The following WWOX variants were observed in gnomAD, a reference collection of about 807,000 sequenced individuals.
The protein encoded by WWOX is WW domain-containing oxidoreductase.
A neutral mutation model predicts 46.2 loss-of-function variants in WWOX; 69 were observed. The ratio of observed to expected loss-of-function variants is 1.49; its 90% CI spans 1.23 to 1.82. The LOEUF is 1.82. WWOX is among the 40% of genes most tolerant of loss of function. The probability of loss-of-function intolerance (pLI) is 0.00; values close to 1 mark genes in which losing one functional copy is unlikely to be tolerated. For missense variants in WWOX, 919 were observed against 542.6 expected (o/e 1.69, Z -6.89); for synonymous variants, 359 against 202.6 (o/e 1.77, Z -6.56).
intron 5 of WWOX, among the ~76,000 whole-genome samples, chr16:78,235,588 C>T (rs2037408806): frequency 6.6e-6 from 1 of 152,194 alleles, no homozygotes; most frequent in Admixed American, 6.5e-5. Context: ...GTTTCTAAGT[C>T]TCTGGTGTCT....
At chr16:78,203,393 T>A (rs893117600) in intron 5 of WWOX, among the ~76,000 whole-genome samples, 1 of 152,164 alleles carries the variant, frequency 6.6e-6, no homozygotes, top group African/African-American at 2.4e-5. Context: ...AAGGGAAATA[T>A]GTTTCAATGG....
At position 79,026,921 on chromosome 16, in the gene WWOX, G is replaced by A. The variant is rs1345827677; in HGVS notation, c.1057-184687G>A. ...TGGGATTACAGGTGTGAGCCACCAC[G>A]CCTGGGCGGCACGTGGTAGACTCTT... On this transcript the variant is annotated intron_variant, in intron 8 of 8. Coordinates refer to ENST00000566780, the MANE Select transcript of WWOX (RefSeq NM_016373.4). Among the ~76,000 whole-genome samples, 3 of 150,838 alleles carry A rather than the reference G, an allele frequency of 2.0e-5. No individual in the cohort carries two copies. In the East Asian group the frequency reaches 5.9e-4, roughly 30 times the overall value.
chr16:79,045,232 C>T (rs1008391105), intron 8 of WWOX, among the ~76,000 whole-genome samples: 13 of 152,190 alleles, frequency 8.5e-5, no homozygotes, highest in Non-Finnish European at 1.9e-4. Flanking sequence ...TACCTCATTT[C>T]AGCAAGAGCT....
chr16:78,457,604 G>C (rs961678152), intron 8 of WWOX, among the ~76,000 whole-genome samples: 3 of 152,034 alleles, frequency 2.0e-5, no homozygotes, highest in African/African-American at 7.3e-5. Context: ...GGGGGCTGCA[G>C]AGGACGCACA....
intron 4 of WWOX, among the ~76,000 whole-genome samples, chr16:78,158,026 G>T (rs934406112): frequency 2.0e-5 from 3 of 152,202 alleles, no homozygotes; most frequent in Admixed American, 6.5e-5. Flanking sequence ...TTCAAGGCGT[G>T]ACCTTAGATC....
intron 8 of WWOX, among the ~76,000 whole-genome samples, chr16:78,619,916 A>T (rs1180521268): frequency 6.6e-6 from 1 of 152,126 alleles, no homozygotes; most frequent in African/African-American, 2.4e-5. Flanking sequence ...ATAAATAAAT[A>T]AATAAATAAA....
At chr16:78,861,267 G>T (rs1472165918) in intron 8 of WWOX, among the ~76,000 whole-genome samples, 1 of 152,150 alleles carries the variant, frequency 6.6e-6, no homozygotes, top group Non-Finnish European at 1.5e-5. Flanking sequence ...CTGACTTCAA[G>T]CTGGGACGTA....
intron 8 of WWOX, among the ~76,000 whole-genome samples, chr16:78,611,870 G>T (rs1420771415): frequency 6.6e-6 from 1 of 152,182 alleles, no homozygotes; most frequent in Non-Finnish European, 1.5e-5. Context: ...GAAGGGGCGT[G>T]GCATTGCTTC....
At chr16:78,577,389 C>G (rs1278897481) in intron 8 of WWOX, among the ~76,000 whole-genome samples, 1 of 152,166 alleles carries the variant, frequency 6.6e-6, no homozygotes, top group South Asian at 2.1e-4. Flanking sequence ...CATTTGTCCC[C>G]TAAATTCCAG....
chr16:79,066,033 C>T (rs1207431659), intron 8 of WWOX, among the ~76,000 whole-genome samples: 1 of 152,228 alleles, frequency 6.6e-6, no homozygotes, highest in Non-Finnish European at 1.5e-5. Flanking sequence ...CCAGTCTGTT[C>T]ATCATGATCT....
At chr16:78,415,481 G>T (rs1008727860) in intron 6 of WWOX, among the ~76,000 whole-genome samples, 1 of 152,134 alleles carries the variant, frequency 6.6e-6, no homozygotes, top group Non-Finnish European at 1.5e-5. Context: ...TGGGAATGCA[G>T]CCCAGTAGGT....
At chr16:78,652,408 C>T (rs1252363763) in intron 8 of WWOX, among the ~76,000 whole-genome samples, 1 of 107,500 alleles carries the variant, frequency 9.3e-6, no homozygotes, top group African/African-American at 4.7e-5. Flanking sequence ...GACTCCGTCT[C>T]AAAAAAAAAA....
At chr16:79,126,414 G>A (rs1205501061) in intron 8 of WWOX, among the ~76,000 whole-genome samples, 1 of 152,138 alleles carries the variant, frequency 6.6e-6, no homozygotes, top group East Asian at 1.9e-4. Context: ...CATGGGGGTG[G>A]TTTTCCCCAT....
intron 8 of WWOX, among the ~76,000 whole-genome samples, chr16:78,757,427 T>A (rs917095084): frequency 2.6e-5 from 4 of 152,134 alleles, no homozygotes; most frequent in African/African-American, 7.2e-5. Context: ...CTTCTGTACC[T>A]CTTGCCTCAT....
chr16:78,956,886 A>C (rs2046178207), intron 8 of WWOX, among the ~76,000 whole-genome samples: 2 of 152,196 alleles, frequency 1.3e-5, no homozygotes, highest in African/African-American at 2.4e-5. Flanking sequence ...TGAGCCACTC[A>C]AAATTCTGGG....
chr16:78,889,051 C>A (rs1020394978), intron 8 of WWOX, among the ~76,000 whole-genome samples: 1 of 152,048 alleles, frequency 6.6e-6, no homozygotes, highest in Non-Finnish European at 1.5e-5. Context: ...GACTTCTTCC[C>A]TTTTACAAGA....
At chr16:78,976,833 C>G (rs2046582234) in intron 8 of WWOX, among the ~76,000 whole-genome samples, 1 of 152,168 alleles carries the variant, frequency 6.6e-6, no homozygotes, top group Non-Finnish European at 1.5e-5. Flanking sequence ...ATGCCTGGTT[C>G]AGTTGCAAAC....
intron 8 of WWOX, among the ~76,000 whole-genome samples, chr16:78,853,421 C>G (rs1334947648): frequency 6.6e-6 from 1 of 152,108 alleles, no homozygotes; most frequent in South Asian, 2.1e-4. Flanking sequence ...CCACGTTAAC[C>G]AGGCTGGTAT....
intron 8 of WWOX, among the ~76,000 whole-genome samples, chr16:78,436,781 C>G (rs1272881276): frequency 6.6e-6 from 1 of 152,180 alleles, no homozygotes; most frequent in African/African-American, 2.4e-5. Context: ...GTAAGATAGA[C>G]CAGACTGACT....
Sources: gnomAD v4.1 joint callset for allele counts (sites outside exome capture counted in the v4.1 genomes callset) on GRCh38, gnomAD v4.1.1 for gene constraint, MANE v1.5 for transcripts, NCBI Gene and HGNC (gene_info 2026-07-23, HGNC 2026-07-21) for gene names.